Variants in SPDYE12 observed in about 807,000 individuals in gnomAD.
The protein encoded by SPDYE12 is speedy protein E12.
chr7:74,909,128 A>G, the SPDYE12 span, among the ~76,000 whole-genome samples: 2 of 137,102 alleles, frequency 1.5e-5, no homozygotes, highest in Non-Finnish European at 3.0e-5. Flanking sequence ...ACCTTAGCAT[A>G]CTGCAACCTC....
Sources: allele counts gnomAD v4.1 joint callset (sites outside exome capture counted in the v4.1 genomes callset), GRCh38; gene constraint gnomAD v4.1.1; transcripts MANE v1.5; gene names NCBI Gene and HGNC (gene_info 2026-07-23, HGNC 2026-07-21).